The following TAFA1 variants were observed in gnomAD, a reference collection of about 807,000 sequenced individuals.
TAFA1 encodes the protein chemokine-like protein TAFA-1.
Under a neutral mutation model 18.5 loss-of-function variants are expected in TAFA1, and 4 were observed. The observed-to-expected ratio is 0.22, with a 90% CI of 0.11 to 0.49. The LOEUF (loss-of-function observed/expected upper bound fraction) is 0.49, where lower values mean the gene tolerates loss of function less well. Ranked by LOEUF, TAFA1 falls within the 20% of genes least tolerant of loss-of-function variation. TAFA1 has a pLI of 0.98. For synonymous variants in TAFA1, 56 were observed against 55.2 expected (o/e 1.01, Z -0.06); for missense variants, 147 against 169.0 (o/e 0.87, Z 0.72).
At chr3:68,124,746 G>T (rs546449735) in intron 2 of TAFA1, among the ~76,000 whole-genome samples, 3 of 152,212 alleles carry the variant, frequency 2.0e-5, no homozygotes, top group Non-Finnish European at 4.4e-5. Context: ...AACCAAGTCA[G>T]TCTAGGTCCA....
chr3:68,046,941 C>A (rs1013664603), intron 2 of TAFA1, among the ~76,000 whole-genome samples: 1 of 152,150 alleles, frequency 6.6e-6, no homozygotes, highest in African/African-American at 2.4e-5. Context: ...TTTTAAAAAA[C>A]CAAGTATGTA....
At chr3:68,020,488 G>A in intron 2 of TAFA1, among the ~76,000 whole-genome samples, 1 of 151,772 alleles carries the variant, frequency 6.6e-6, no homozygotes, top group East Asian at 1.9e-4. Flanking sequence ...AAGAAATAGA[G>A]ACAATGTTTG....
chr3:68,340,259 C>T (rs1559624542), intron 2 of TAFA1, among the ~76,000 whole-genome samples: 1 of 152,148 alleles, frequency 6.6e-6, no homozygotes, highest in Non-Finnish European at 1.5e-5. Flanking sequence ...CTAAGGTTCT[C>T]TTTGAATTTA....
intron 2 of TAFA1, among the ~76,000 whole-genome samples, chr3:68,362,471 C>T (rs1417613981): frequency 6.6e-6 from 1 of 152,106 alleles, no homozygotes; most frequent in Non-Finnish European, 1.5e-5. Context: ...GAGAATCAAG[C>T]TATAATGTTG....
intron 2 of TAFA1, among the ~76,000 whole-genome samples, chr3:68,106,052 A>G (rs551772239): frequency 2.6e-5 from 4 of 152,090 alleles, no homozygotes; most frequent in Non-Finnish European, 5.9e-5. Context: ...AAATTTTAAA[A>G]TGCCAAAAGA....
chr3:68,018,694 C>A (rs555203291), intron 2 of TAFA1, among the ~76,000 whole-genome samples: 16 of 152,184 alleles, frequency 1.1e-4, no homozygotes, highest in South Asian at 2.1e-4. Flanking sequence ...AATGAAGGAA[C>A]GATCTTAAGC....
At chr3:68,193,886 G>A (rs923897209) in intron 2 of TAFA1, among the ~76,000 whole-genome samples, 3 of 151,660 alleles carry the variant, frequency 2.0e-5, no homozygotes, top group Non-Finnish European at 4.4e-5. Context: ...TAGGTTTGTG[G>A]GTTTGCAGTT....
intron 2 of TAFA1, among the ~76,000 whole-genome samples, chr3:68,048,564 A>C (rs1473884071): frequency 6.6e-6 from 1 of 151,812 alleles, no homozygotes; most frequent in East Asian, 1.9e-4. Context: ...CCCTTTCCAT[A>C]TTTTTGTACA....
chr3:68,540,467 T>G (rs2073353685), intron 4 of TAFA1, among the ~76,000 whole-genome samples: 1 of 152,322 alleles, frequency 6.6e-6, no homozygotes, highest in East Asian at 1.9e-4. Flanking sequence ...TTGGTTACCT[T>G]TTGCCTAAAA....
chr3:68,291,694 A>C (rs566474833), intron 2 of TAFA1, among the ~76,000 whole-genome samples: 69 of 149,616 alleles, frequency 4.6e-4, no homozygotes, highest in Admixed American at 1.5e-3. Flanking sequence ...ATTCCCCACA[A>C]AAAAAAAAAT....
chr3:68,114,726 G>A (rs1386604178), intron 2 of TAFA1, among the ~76,000 whole-genome samples: 1 of 152,126 alleles, frequency 6.6e-6, no homozygotes, highest in African/African-American at 2.4e-5. Flanking sequence ...CTAGCTATGT[G>A]CATTTGTATA....
intron 2 of TAFA1, among the ~76,000 whole-genome samples, chr3:68,416,498 G>A (rs577714945): frequency 8.5e-5 from 13 of 152,234 alleles, no homozygotes; most frequent in South Asian, 2.1e-4. Context: ...TATCTTTTGC[G>A]TGTCTCTAGA....
At chr3:68,126,009 G>A (rs2065460486) in intron 2 of TAFA1, among the ~76,000 whole-genome samples, 1 of 152,084 alleles carries the variant, frequency 6.6e-6, no homozygotes, top group Non-Finnish European at 1.5e-5. Flanking sequence ...TGCAACAGAG[G>A]CCTTCAAAAC....
intron 2 of TAFA1, among the ~76,000 whole-genome samples, chr3:68,366,201 A>C (rs1479660150): frequency 6.6e-6 from 1 of 151,788 alleles, no homozygotes; most frequent in African/African-American, 2.4e-5. Flanking sequence ...GGTCCCTCCC[A>C]CAACACATGG....
chr3:68,381,747 T>C (rs1298110665), intron 2 of TAFA1, among the ~76,000 whole-genome samples: 1 of 152,206 alleles, frequency 6.6e-6, no homozygotes, highest in African/African-American at 2.4e-5. Context: ...CTTTTCCTAA[T>C]TGAATACCCT....
At chr3:68,217,646 G>C (rs548127656) in intron 2 of TAFA1, among the ~76,000 whole-genome samples, 1 of 152,026 alleles carries the variant, frequency 6.6e-6, no homozygotes, top group Non-Finnish European at 1.5e-5. Context: ...ATTAATAATA[G>C]AGGAAACTGC....
chr3:68,258,181 G>A (rs2067335751), intron 2 of TAFA1, among the ~76,000 whole-genome samples: 1 of 152,166 alleles, frequency 6.6e-6, no homozygotes, highest in African/African-American at 2.4e-5. Context: ...ATGTGCTGTG[G>A]TTATATAAGG....
chr3:68,338,293 A>G (rs2069011598), intron 2 of TAFA1, among the ~76,000 whole-genome samples: 1 of 152,198 alleles, frequency 6.6e-6, no homozygotes, highest in Non-Finnish European at 1.5e-5. Context: ...ATTCCAAAGC[A>G]ATTGCCTTTG....
At chr3:68,277,806 C>T (rs1368224366) in intron 2 of TAFA1, among the ~76,000 whole-genome samples, 1 of 152,128 alleles carries the variant, frequency 6.6e-6, no homozygotes, top group African/African-American at 2.4e-5. Flanking sequence ...ATCTTTCCAT[C>T]CCCATTAAAA....
Sources: gnomAD v4.1 joint callset for allele counts (sites outside exome capture counted in the v4.1 genomes callset) on GRCh38, gnomAD v4.1.1 for gene constraint, MANE v1.5 for transcripts, NCBI Gene and HGNC (gene_info 2026-07-23, HGNC 2026-07-21) for gene names.